The following RC3H2 variants were observed in gnomAD, a reference collection of about 807,000 sequenced individuals.
RC3H2 encodes the protein roquin-2.
In RC3H2, 31 loss-of-function variants were observed where a neutral mutation model predicts 133.3. The ratio of observed to expected loss-of-function variants is 0.23; its 90% CI spans 0.17 to 0.31. RC3H2 has a LOEUF of 0.31. Among genes scored for constraint, RC3H2 ranks in the 10% least tolerant of loss-of-function variants. RC3H2 has a pLI of 1.00. For synonymous variants in RC3H2, 517 were observed against 502.2 expected, an observed-to-expected ratio of 1.03 and a Z score of -0.40; for missense variants, 1,175 against 1,437.2, an observed-to-expected ratio of 0.82 and a Z score of 2.95.
chr9:122,857,197 A>T (rs1347762758), intron 13 of RC3H2, among the ~76,000 whole-genome samples: 3 of 152,178 alleles, frequency 2.0e-5, no homozygotes, highest in Admixed American at 1.3e-4. Flanking sequence ...TATGTTTGAA[A>T]TTTTTTATAA....
intron 1 of RC3H2, among the ~76,000 whole-genome samples, chr9:122,899,229 A>G (rs1451509471): frequency 6.6e-6 from 1 of 150,480 alleles, no homozygotes; most frequent in Non-Finnish European, 1.5e-5. Context: ...TGGCCTCCCA[A>G]GTAACTGGGA....
At chr9:122,861,722 A>C (rs374122074) in intron 10 of RC3H2, among the ~76,000 whole-genome samples, 1 of 152,136 alleles carries the variant, frequency 6.6e-6, no homozygotes, top group Non-Finnish European at 1.5e-5. Context: ...AATTAGAACA[A>C]TCATTTTAAA....
Position 122,869,560 on chromosome 9 carries a change from A to AT in RC3H2, c.1326-3904dup, listed in dbSNP as rs10560103. ...AAACAGGTGATGGCCAGTTTACACG[A>AT]TTTTTTTTTTTTTTTTTTTTTGAGG... On this transcript the variant is annotated intron_variant, in intron 9 of 20. Coordinates refer to ENST00000357244, the MANE Select transcript of RC3H2 (RefSeq NM_001100588.3). Among the ~76,000 whole-genome samples, 60 of 104,496 alleles carry AT rather than the reference A, an allele frequency of 5.7e-4. 1 individual carries two copies. Among genetic ancestry groups the AT allele is most frequent in the African/African-American group, 1.3e-3 (38 of 29,352 alleles). The allele number at this position is 104,496 out of a possible 152,430, so 68.6% of individuals were successfully genotyped here.
intron 2 of RC3H2, among the ~76,000 whole-genome samples, chr9:122,897,013 G>A (rs1001515626): frequency 8.9e-6 from 1 of 112,978 alleles, no homozygotes; most frequent in Non-Finnish European, 1.7e-5. Flanking sequence ...GTGACAGAGT[G>A]AGACTCTGTC....
At chr9:122,860,172 G>C (rs1028648491) in intron 10 of RC3H2, 41 bp from the exon 11 acceptor site, 1 of 1,402,244 alleles carries the variant, frequency 7.1e-7, no homozygotes, top group Non-Finnish European at 1.0e-6. Flanking sequence ...AGAAATCACT[G>C]TCTATGACTG....
rs767744764 is a variant in RC3H2 at position 122,851,179 on chromosome 9, T to A, written c.3282A>T (p.Leu1094=). Residue 1094 remains leucine (L), a synonymous_variant, in exon 20 of 21, where the codon CTA becomes CTT. Coordinates refer to ENST00000357244, the MANE Select transcript of RC3H2 (RefSeq NM_001100588.3). Reference sequence around the variant, plus strand: ...GCCCATTTTCCACTGCCATTCCATTTAGCAACTGATCATTTTGAGAACTGA... The same window carrying A: ...GCCCATTTTCCACTGCCATTCCATTAAGCAACTGATCATTTTGAGAACTGA... ...LGISSQNDQL[L]NGMAVENGHP... is the part of the protein sequence containing the mutation. 1 of 1,614,070 alleles carries A rather than the reference T, an allele frequency of 6.2e-7. No homozygotes were observed. Among genetic ancestry groups the A allele is most frequent in the African/African-American group, 1.3e-5 (1 of 74,942 alleles).
rs557456657 is a variant in RC3H2, at chr9:122,875,032, C to G, written c.1325+2439G>C. On this transcript the variant is annotated intron_variant, in intron 9 of 20. Transcript: ENST00000357244. Reference sequence around the variant, plus strand: ...TTAGTCGAACTTTCTCAAAAGCTCCCCTTTTAGCTAAAAAGCTCTATTTCA... The same window carrying G: ...TTAGTCGAACTTTCTCAAAAGCTCCGCTTTTAGCTAAAAAGCTCTATTTCA... The G allele has an allele frequency of 1.5e-5, 13 of 871,390 alleles. No homozygotes were observed. The Admixed American group carries it at 4.5e-4, about 30-fold the overall frequency. The allele number at this position is 871,390 out of a possible 1,614,324, so 54.0% of individuals were successfully genotyped here. A position where few individuals can be genotyped will look rare whatever the true frequency, so the allele number is the denominator to read the frequency against.
At chr9:122,885,018 A>G (rs1317790680) in intron 4 of RC3H2, among the ~76,000 whole-genome samples, 3 of 152,150 alleles carry the variant, frequency 2.0e-5, no homozygotes, top group Non-Finnish European at 4.4e-5. Flanking sequence ...TGGATCTCAC[A>G]CTTGAATAAA....
intron 4 of RC3H2, among the ~76,000 whole-genome samples, chr9:122,884,153 C>A (rs990481873): frequency 5.9e-5 from 9 of 152,020 alleles, no homozygotes; most frequent in African/African-American, 2.2e-4. Context: ...ATTAGCTGGA[C>A]GTGGTGGCAG....
intron 4 of RC3H2, among the ~76,000 whole-genome samples, chr9:122,888,301 T>G (rs1476529038): frequency 6.6e-6 from 1 of 152,212 alleles, no homozygotes; most frequent in Non-Finnish European, 1.5e-5. Context: ...TTGTTTTAGC[T>G]TTATTTTTAG....
intron 18 of RC3H2, among the ~76,000 whole-genome samples, chr9:122,851,730 C>G (rs1830028953): frequency 6.6e-6 from 1 of 152,364 alleles, no homozygotes; most frequent in East Asian, 1.9e-4. Flanking sequence ...AGCTCCTAAC[C>G]ACGAGTGATC....
At chr9:122,851,565 T>A (rs981762014) in intron 18 of RC3H2, 129 bp from the exon 19 acceptor site, 8 of 1,255,568 alleles carry the variant, frequency 6.4e-6, no homozygotes, top group Non-Finnish European at 7.6e-6. Flanking sequence ...TGGACTATAC[T>A]GCTGCCATCT....
rs1242168588 is a variant in RC3H2, at chr9:122,855,409, A to G, written c.2602-12T>C. 6.2e-7 allele frequency: 1 copy of G among 1,604,212 alleles called. No individual in the cohort carries two copies. The highest frequency in any genetic ancestry group is 8.5e-7 in the Non-Finnish European group (1 of 1,172,594). On this transcript the variant is annotated splice_polypyrimidine_tract_variant and intron_variant, in intron 14 of 20. Transcript: ENST00000357244. Reference sequence around the variant, plus strand: ...CCACTGTCCAGGTCCTATGTAAACCAAAGAAAATCAATAAAAGGACTGTTG... The same window carrying G: ...CCACTGTCCAGGTCCTATGTAAACCGAAGAAAATCAATAAAAGGACTGTTG...
intron 8 of RC3H2, 62 bp from the exon 9 acceptor site, chr9:122,877,645 T>G: frequency 7.8e-7 from 1 of 1,289,328 alleles, no homozygotes. Context: ...TTATTCACTC[T>G]AGGAAGTTCA....
In RC3H2 at chr9:122,845,180, A is replaced by G. The variant is rs546483924; in HGVS notation, c.*4447T>C. 6.6e-6 allele frequency: 1 copy of G among 152,366 alleles called. No individual in the cohort carries two copies. The highest frequency in any genetic ancestry group is 2.1e-4 in the South Asian group (1 of 4,828). The allele number at this position is 152,366 out of a possible 1,614,324, so 9.4% of individuals were successfully genotyped here. ...TTTTCCCAAACTTTCCAGCTAAGCA[A>G]ATTTATAAAATGTAATCAATGCAAC... On this transcript the variant is annotated 3_prime_UTR_variant, in exon 21 of 21. Transcript: ENST00000357244.
At chr9:122,894,075 C>T (rs1286681961) in intron 2 of RC3H2, among the ~76,000 whole-genome samples, 3 of 151,904 alleles carry the variant, frequency 2.0e-5, no homozygotes, top group Non-Finnish European at 2.9e-5. Context: ...CTGGCTAACA[C>T]GGTGAAACCC....
intron 9 of RC3H2, among the ~76,000 whole-genome samples, chr9:122,876,352 G>C (rs569215982): frequency 1.3e-5 from 2 of 152,280 alleles, no homozygotes; most frequent in South Asian, 4.1e-4. Flanking sequence ...GACAGGGCAG[G>C]TGTGGTGGCT....
At chr9:122,868,857 GT>G (rs1830900272) in intron 9 of RC3H2, among the ~76,000 whole-genome samples, 1 of 14,734 alleles carries the variant, frequency 6.8e-5, no homozygotes, top group African/African-American at 1.2e-4. Context: ...GTGTGTGTGT[GT>G]GTGTGTGTGT....
rs1007228064 is a variant in RC3H2 at position 122,845,273 on chromosome 9, A to G, written c.*4354T>C. On this transcript the variant is annotated 3_prime_UTR_variant, in exon 21 of 21. Coordinates refer to ENST00000357244, the MANE Select transcript of RC3H2 (RefSeq NM_001100588.3). ...AATAAACAGTATAAATGCAGACAGC[A>G]GTTGCTGCAAGCTAACCACGATACT... 2 of 152,242 alleles carry G rather than the reference A, an allele frequency of 1.3e-5. No homozygotes were observed. The highest frequency in any genetic ancestry group is 4.8e-5 in the African/African-American group (2 of 41,474). The allele number at this position is 152,242 out of a possible 1,614,324, so 9.4% of individuals were successfully genotyped here.
Sources: allele counts gnomAD v4.1 joint callset (sites outside exome capture counted in the v4.1 genomes callset), GRCh38; gene constraint gnomAD v4.1.1; transcripts MANE v1.5; gene names NCBI Gene and HGNC (gene_info 2026-07-23, HGNC 2026-07-21).